The following CPOX variants were observed in gnomAD, a reference collection of about 807,000 sequenced individuals.
CPOX encodes the protein coproporphyrinogen oxidase, also known as oxygen-dependent coproporphyrinogen-III oxidase, mitochondrial.
A neutral mutation model predicts 48.9 loss-of-function variants in CPOX; 24 were observed. The observed-to-expected ratio is 0.49, with a 90% confidence interval of 0.36 to 0.69. CPOX has a LOEUF of 0.69. Ranked by LOEUF, CPOX falls within the 30% of genes least tolerant of loss-of-function variation. The pLI is 0.00. For missense variants in CPOX, 549 were observed against 597.3 expected (o/e 0.92, Z 0.84); for synonymous variants, 249 against 234.6 (o/e 1.06, Z -0.56).
intron 4 of CPOX, among the ~76,000 whole-genome samples, chr3:98,587,524 G>A (rs571128183): frequency 6.7e-6 from 1 of 149,590 alleles, no homozygotes; most frequent in East Asian, 2.0e-4. Flanking sequence ...TCCTGAGGCA[G>A]TGCACAACAT....
At chr3:98,592,868 A>G in intron 1 of CPOX, 81 bp downstream of exon 1, 1 of 1,447,364 alleles carries the variant, frequency 6.9e-7, no homozygotes, top group East Asian at 2.5e-5. Flanking sequence ...CATATTGTGA[A>G]CTATTATATT....
chr3:98,585,379 T>G, intron 5 of CPOX, 62 bp downstream of exon 5: 1 of 1,297,114 alleles, frequency 7.7e-7, no homozygotes, highest in Non-Finnish European at 1.1e-6. Context: ...CACCCGCTAT[T>G]ATTAAGAGCT....
intron 5 of CPOX, among the ~76,000 whole-genome samples, chr3:98,583,417 T>C (rs1707297820): frequency 6.6e-6 from 1 of 152,248 alleles, no homozygotes; most frequent in Non-Finnish European, 1.5e-5. Flanking sequence ...ATATTTGTTT[T>C]TAAATAATAT....
At chr3:98,591,368 T>C (rs1258098901) in intron 1 of CPOX, among the ~76,000 whole-genome samples, 1 of 152,236 alleles carries the variant, frequency 6.6e-6, no homozygotes, top group African/African-American at 2.4e-5. Context: ...ATCACTAAAC[T>C]GAATATTTCT....
At position 98,579,656 on chromosome 3, in the gene CPOX, C is replaced by T; in HGVS notation, c.*1027G>A. 8.1e-6 allele frequency: 8 copies of T among 984,176 alleles called. No individual in the cohort carries two copies. Among genetic ancestry groups the T allele is most frequent in the Non-Finnish European group, 9.7e-6 (8 of 828,850 alleles). The allele number at this position is 984,176 out of a possible 1,614,324, so 61.0% of individuals were successfully genotyped here. A position where few individuals can be genotyped will look rare whatever the true frequency, so the allele number is the denominator to read the frequency against. Reference sequence around the variant, plus strand: ...ATAATATATGAACAAAGAAATCATACATTAAGAATCCTGTTGTGATTTGCT... The same window carrying T: ...ATAATATATGAACAAAGAAATCATATATTAAGAATCCTGTTGTGATTTGCT... On this transcript the variant is annotated 3_prime_UTR_variant, in exon 7 of 7. Transcript: ENST00000647941.
chr3:98,588,572 A>G (rs558152883), intron 4 of CPOX, 141 bp downstream of exon 4: 135 of 778,756 alleles, frequency 1.7e-4, no homozygotes, highest in Middle Eastern at 1.5e-3. Flanking sequence ...TAAAACCAGT[A>G]TTCTAATTCT....
chr3:98,572,657 C>T, the CPOX span, among the ~76,000 whole-genome samples: 198 of 152,278 alleles, frequency 1.3e-3, 1 homozygote, highest in Middle Eastern at 3.4e-3. Context: ...TTAACATCTT[C>T]ATTCTCCATT....
rs1364338626 is a variant in CPOX, at chr3:98,593,540, C to T, written c.-36G>A. 4 of 1,508,438 alleles carry T rather than the reference C, an allele frequency of 2.7e-6. No individual in the cohort carries two copies. In the African/African-American group the frequency reaches 4.2e-5, roughly 16 times the overall value. The allele number at this position is 1,508,438 out of a possible 1,614,324, so 93.4% of individuals were successfully genotyped here. On this transcript the variant is annotated 5_prime_UTR_variant, in exon 1 of 7. Coordinates refer to ENST00000647941, the MANE Select transcript of CPOX (RefSeq NM_000097.7). ...TATCACCTGGAGCAGTGCCTGCGTCCCAGAGCCCTGCGTTTGAGCCCCCCA... is the reference window on the plus strand; with the variant it reads ...TATCACCTGGAGCAGTGCCTGCGTCTCAGAGCCCTGCGTTTGAGCCCCCCA...
At chr3:98,581,594 T>G in intron 5 of CPOX, 83 bp from the exon 6 acceptor site, 4 of 1,130,224 alleles carry the variant, frequency 3.5e-6, no homozygotes, top group Non-Finnish European at 5.3e-6. Context: ...TAAAAAGGGG[T>G]GGGTTCTTCC....
At position 98,579,673 on chromosome 3, in the gene CPOX, T is replaced by G; in HGVS notation, c.*1010A>C. 1 of 985,046 alleles carries G rather than the reference T, an allele frequency of 1.0e-6. No individual in the cohort carries two copies. The highest frequency in any genetic ancestry group is 1.2e-6 in the Non-Finnish European group (1 of 829,540). The allele number at this position is 985,046 out of a possible 1,614,324, so 61.0% of individuals were successfully genotyped here. A position where few individuals can be genotyped will look rare whatever the true frequency, so the allele number is the denominator to read the frequency against. ...AAATCATACATTAAGAATCCTGTTG[T>G]GATTTGCTCTTAAGAGCAAAGAGCT... On this transcript the variant is annotated 3_prime_UTR_variant, in exon 7 of 7. Coordinates refer to ENST00000647941, the MANE Select transcript of CPOX (RefSeq NM_000097.7).
At chr3:98,582,596 AT>A (rs1707278813) in intron 5 of CPOX, among the ~76,000 whole-genome samples, 1 of 150,570 alleles carries the variant, frequency 6.6e-6, no homozygotes, top group Non-Finnish European at 1.5e-5. Context: ...GGGTTCACCC[AT>A]TTTCCTGCCT....
intron 1 of CPOX, 60 bp downstream of exon 1, chr3:98,592,889 A>C: frequency 6.5e-7 from 1 of 1,544,414 alleles, no homozygotes; most frequent in Admixed American, 1.9e-5. Flanking sequence ...TTCTGTCTGC[A>C]ACCTGGAACC....
the CPOX span, among the ~76,000 whole-genome samples, chr3:98,574,269 C>G: frequency 0.013 from 1,955 of 152,300 alleles, 41 homozygotes; most frequent in African/African-American, 0.043. Context: ...CATTTTATCA[C>G]ATTCACAGAT....
intron 4 of CPOX, among the ~76,000 whole-genome samples, chr3:98,588,267 C>G (rs1332574964): frequency 2.6e-5 from 4 of 152,164 alleles, no homozygotes; most frequent in Non-Finnish European, 5.9e-5. Context: ...ATTTCTTTAA[C>G]AAATTCTCCA....
chr3:98,570,759 G>C, the CPOX span, among the ~76,000 whole-genome samples: 2 of 152,174 alleles, frequency 1.3e-5, no homozygotes, highest in Admixed American at 1.3e-4. Flanking sequence ...ATGGCCACTT[G>C]TATATCAGAA....
At chr3:98,584,292 G>GAT (rs930410518) in intron 5 of CPOX, among the ~76,000 whole-genome samples, 28 of 152,286 alleles carry the variant, frequency 1.8e-4, no homozygotes, top group African/African-American at 6.3e-4. Flanking sequence ...GGGTAGCCAA[G>GAT]ATAGTGCCTC....
chr3:98,586,827 C>G (rs1461073911), intron 4 of CPOX, among the ~76,000 whole-genome samples: 3 of 152,098 alleles, frequency 2.0e-5, no homozygotes, highest in Non-Finnish European at 4.4e-5. Flanking sequence ...ACCTGTAGTC[C>G]CAGCTACTCG....
At chr3:98,592,352 G>C (rs554366997) in intron 1 of CPOX, among the ~76,000 whole-genome samples, 8 of 152,272 alleles carry the variant, frequency 5.3e-5, no homozygotes, top group Non-Finnish European at 7.3e-5. Context: ...ACTGGGTTTT[G>C]ATGCTCAAGT....
chr3:98,585,832 A>T lies in CPOX; in HGVS notation c.954-173T>A, dbSNP rs532699379. 2.5e-4 allele frequency: 168 copies of T among 665,430 alleles called. 2 individuals are homozygous for T. The South Asian group carries it at 2.8e-3, about 11-fold the overall frequency. 41.2% of individuals were successfully genotyped at this position (665,430 alleles called of 1,614,324 possible). On this transcript the variant is annotated intron_variant, in intron 4 of 6. Transcript: ENST00000647941. ...GACTTTAGACAGATAGATTTTTTGC[A>T]GATATCACCAAGGTAGAAAATGCTT...
Sources: gnomAD v4.1 joint callset for allele counts (sites outside exome capture counted in the v4.1 genomes callset) on GRCh38, gnomAD v4.1.1 for gene constraint, MANE v1.5 for transcripts, NCBI Gene and HGNC (gene_info 2026-07-23, HGNC 2026-07-21) for gene names.